The following NMNAT3 variants were observed in gnomAD, a reference collection of about 807,000 sequenced individuals.
NMNAT3 encodes nicotinamide nucleotide adenylyltransferase 3.
Under a neutral mutation model 24.8 loss-of-function variants are expected in NMNAT3, and 21 were observed. That is an observed-to-expected ratio of 0.85 (90% CI 0.60 to 1.22). NMNAT3 has a LOEUF of 1.22. Among genes scored for constraint, NMNAT3 ranks in the 50% most tolerant of loss-of-function variants. The pLI, the probability that NMNAT3 is intolerant of heterozygous loss-of-function variation, is 0.00. For missense variants in NMNAT3, 387 were observed against 436.6 expected (o/e 0.89, Z 1.01); for synonymous variants, 136 against 155.2 (o/e 0.88, Z 0.92).
intron 1 of NMNAT3, among the ~76,000 whole-genome samples, chr3:139,675,135 T>TACACACACACACACAA (rs1553766849): frequency 0.12 from 17,229 of 148,302 alleles, 1,269 homozygotes; most frequent in Non-Finnish European, 0.17. Context: ...CTTTTAAACA[T>TACACACACACACACAA]ACACACACAC....
chr3:139,657,585 G>C (rs1299780685), intron 1 of NMNAT3, among the ~76,000 whole-genome samples: 13 of 152,070 alleles, frequency 8.5e-5, no homozygotes, highest in Admixed American at 7.2e-4. Context: ...GTGGGGTGCT[G>C]TGGGGTCTTC....
At chr3:139,660,430 T>A (rs1287018616) in intron 1 of NMNAT3, among the ~76,000 whole-genome samples, 7 of 152,332 alleles carry the variant, frequency 4.6e-5, no homozygotes, top group Admixed American at 2.0e-4. Flanking sequence ...ACCAGATTCA[T>A]CTTAAAGTCC....
intron 3 of NMNAT3, among the ~76,000 whole-genome samples, chr3:139,595,895 G>T (rs1406200222): frequency 2.0e-5 from 3 of 152,174 alleles, no homozygotes; most frequent in Non-Finnish European, 4.4e-5. Flanking sequence ...CAGGACATAG[G>T]CATGGGCAAG....
At chr3:139,591,186 C>A (rs967245020) in intron 3 of NMNAT3, among the ~76,000 whole-genome samples, 2 of 151,426 alleles carry the variant, frequency 1.3e-5, no homozygotes, top group East Asian at 3.9e-4. Context: ...AGTTCCCTTT[C>A]CGAGTCAAAG....
intron 3 of NMNAT3, among the ~76,000 whole-genome samples, chr3:139,585,316 T>G (rs1029887805): frequency 2.6e-5 from 4 of 152,194 alleles, no homozygotes; most frequent in Admixed American, 2.6e-4. Context: ...ACTTTTAATT[T>G]TGTTTATTTT....
At chr3:139,667,959 T>C (rs2057637332) in intron 1 of NMNAT3, among the ~76,000 whole-genome samples, 1 of 152,122 alleles carries the variant, frequency 6.6e-6, no homozygotes, top group African/African-American at 2.4e-5. Flanking sequence ...GACACAGATG[T>C]CTGGGTTATA....
chr3:139,656,069 T>C (rs2057230756), intron 1 of NMNAT3, among the ~76,000 whole-genome samples: 1 of 152,226 alleles, frequency 6.6e-6, no homozygotes, highest in South Asian at 2.1e-4. Flanking sequence ...CCATGCTAAC[T>C]TGCATCACAA....
intron 3 of NMNAT3, among the ~76,000 whole-genome samples, chr3:139,593,299 A>C (rs892633261): frequency 6.6e-6 from 1 of 152,230 alleles, no homozygotes; most frequent in Non-Finnish European, 1.5e-5. Context: ...ATACAGGAGC[A>C]CCCAGATTCA....
At chr3:139,640,262 G>T (rs2056654785) in intron 1 of NMNAT3, among the ~76,000 whole-genome samples, 1 of 152,148 alleles carries the variant, frequency 6.6e-6, no homozygotes, top group Non-Finnish European at 1.5e-5. Flanking sequence ...GTGCCTGAGT[G>T]GGCAAAAGCA....
chr3:139,665,464 G>A (rs1432602596), intron 1 of NMNAT3, among the ~76,000 whole-genome samples: 2 of 152,126 alleles, frequency 1.3e-5, no homozygotes, highest in East Asian at 3.9e-4. Context: ...ATAATCTCTA[G>A]GAGCCATGGT....
At chr3:139,656,929 T>C (rs955486591) in intron 1 of NMNAT3, among the ~76,000 whole-genome samples, 2 of 152,242 alleles carry the variant, frequency 1.3e-5, no homozygotes, top group Non-Finnish European at 2.9e-5. Flanking sequence ...AAAGTTAATA[T>C]ACTATTTACT....
chr3:139,678,026 C>T (rs1576821860), upstream of NMNAT3: 1 of 139,686 alleles, frequency 7.2e-6, no homozygotes, highest in East Asian at 2.4e-4. Context: ...CTAAGGAGAC[C>T]CGGCCCTGGC....
chr3:139,676,196 G>T (rs1169073098), intron 1 of NMNAT3, among the ~76,000 whole-genome samples: 1 of 152,096 alleles, frequency 6.6e-6, no homozygotes, highest in Non-Finnish European at 1.5e-5. Context: ...CTACTCTCTG[G>T]GCCTCTCAGT....
At position 139,627,721 on chromosome 3, in the gene NMNAT3, T is replaced by TA. The variant is rs747088811; in HGVS notation, c.3_4insT (p.Lys2Ter). ...AGGAGCACCACAGGTATTCGGCTCT[T>TA]CATCTTGTCAGGCACATCCACACCT... is the stretch of plus-strand genomic sequence containing the variant. On this transcript the variant is annotated frameshift_variant, in exon 3 of 7. Coordinates refer to ENST00000643695, the MANE Select transcript of NMNAT3 (RefSeq NM_001320510.2). LOFTEE classifies it high-confidence loss of function. The TA allele has an allele frequency of 1.4e-4, 220 of 1,587,946 alleles. No individual in the cohort carries two copies. The highest frequency in any genetic ancestry group is 2.7e-4 in the Admixed American group (16 of 58,672).
chr3:139,582,391 C>T (rs1307695890), intron 4 of NMNAT3, among the ~76,000 whole-genome samples: 1 of 151,382 alleles, frequency 6.6e-6, no homozygotes, highest in African/African-American at 2.4e-5. Context: ...CCTGTAATCC[C>T]AGCACTTTGG....
chr3:139,674,080 T>TCC, intron 1 of NMNAT3, among the ~76,000 whole-genome samples: 1 of 151,918 alleles, frequency 6.6e-6, no homozygotes, highest in African/African-American at 2.4e-5. Context: ...AAGACCAGGA[T>TCC]TTCACTGGGC....
Position 139,650,803 on chromosome 3 carries a change from C to A in NMNAT3, c.-140-12741G>T, listed in dbSNP as rs541675472. ...ATCTAAAGCTGAAAAGGACCTGGAG[C>A]AATTCTCTACTCCATTTCCCTTCCT... is the stretch of plus-strand genomic sequence containing the variant. On this transcript the variant is annotated intron_variant, in intron 1 of 6. Coordinates refer to ENST00000643695, the MANE Select transcript of NMNAT3 (RefSeq NM_001320510.2). Among the ~76,000 whole-genome samples the A allele has an allele frequency of 2.0e-5, 3 of 152,286 alleles. No homozygotes were observed. The South Asian group carries it at 6.2e-4, about 32-fold the overall frequency.
At chr3:139,652,590 C>G (rs575474232) in intron 1 of NMNAT3, among the ~76,000 whole-genome samples, 2 of 152,180 alleles carry the variant, frequency 1.3e-5, no homozygotes, top group African/African-American at 2.4e-5. Context: ...TGGGGGGCAA[C>G]AGCACTTCTC....
Position 139,560,846 on chromosome 3 carries a change from A to G in NMNAT3, c.*164T>C, listed in dbSNP as rs933204739. 5 of 655,722 alleles carry G rather than the reference A, an allele frequency of 7.6e-6. No individual in the cohort carries two copies. Among genetic ancestry groups the G allele is most frequent in the Non-Finnish European group, 1.3e-5 (5 of 382,252 alleles). 40.6% of individuals were successfully genotyped at this position (655,722 alleles called of 1,614,324 possible). A position where few individuals can be genotyped will look rare whatever the true frequency, so the allele number is the denominator to read the frequency against. On this transcript the variant is annotated 3_prime_UTR_variant, in exon 7 of 7. Transcript: ENST00000643695. Reference sequence around the variant, plus strand: ...TTAGACCTTTCCTCTCCTGTAAAGAAGGTATCTCTTCCTGGGACAGAAGAC... The same window carrying G: ...TTAGACCTTTCCTCTCCTGTAAAGAGGGTATCTCTTCCTGGGACAGAAGAC...
Sources: allele counts gnomAD v4.1 joint callset (sites outside exome capture counted in the v4.1 genomes callset), GRCh38; gene constraint gnomAD v4.1.1; transcripts MANE v1.5; gene names NCBI Gene and HGNC (gene_info 2026-07-23, HGNC 2026-07-21).